Variants in IMMP2L observed in about 807,000 individuals in gnomAD.
IMMP2L encodes inner mitochondrial membrane peptidase subunit 2, also known as mitochondrial inner membrane protease subunit 2.
In IMMP2L, 18 loss-of-function variants were observed where a neutral mutation model predicts 19.3. The ratio of observed to expected loss-of-function variants is 0.93; its 90% CI spans 0.64 to 1.38. The LOEUF is 1.38. Ranked by LOEUF, IMMP2L falls within the 40% of genes most tolerant of loss-of-function variation. The pLI is 0.00. For missense variants in IMMP2L, 233 were observed against 218.2 expected, an observed-to-expected ratio of 1.07 and a Z score of -0.43; for synonymous variants, 76 against 73.0, an observed-to-expected ratio of 1.04 and a Z score of -0.21.
At chr7:111,551,919 G>C (rs1790702776) in intron 1 of IMMP2L, among the ~76,000 whole-genome samples, 2 of 152,030 alleles carry the variant, frequency 1.3e-5, no homozygotes, top group African/African-American at 4.8e-5. Context: ...TCCAGGCAAG[G>C]TAGAGCAAGT....
chr7:110,745,109 A>T (rs1241443438), intron 5 of IMMP2L, among the ~76,000 whole-genome samples: 2 of 152,262 alleles, frequency 1.3e-5, no homozygotes, highest in Non-Finnish European at 2.9e-5. Context: ...AAGCATACAC[A>T]AGTATCAATA....
intron 3 of IMMP2L, among the ~76,000 whole-genome samples, chr7:111,034,194 G>T (rs1021018690): frequency 6.6e-6 from 1 of 151,978 alleles, no homozygotes; most frequent in Non-Finnish European, 1.5e-5. Flanking sequence ...CAGCAATCAC[G>T]TATTCAATTC....
intron 3 of IMMP2L, among the ~76,000 whole-genome samples, chr7:111,160,407 T>C (rs934633416): frequency 1.3e-5 from 2 of 152,066 alleles, no homozygotes. Context: ...AGATCACATA[T>C]GCAGTTTACA....
chr7:111,366,678 T>C (rs1372636093), intron 3 of IMMP2L, among the ~76,000 whole-genome samples: 2 of 152,000 alleles, frequency 1.3e-5, no homozygotes, highest in Non-Finnish European at 2.9e-5. Context: ...GGAAATTGCA[T>C]TGCGATATTT....
intron 3 of IMMP2L, among the ~76,000 whole-genome samples, chr7:111,347,491 C>A (rs1023082821): frequency 6.6e-6 from 1 of 152,020 alleles, no homozygotes; most frequent in African/African-American, 2.4e-5. Context: ...CCTGACCTGA[C>A]TACTTGAGCA....
intron 5 of IMMP2L, among the ~76,000 whole-genome samples, chr7:110,704,117 C>A (rs1262270373): frequency 6.6e-6 from 1 of 151,996 alleles, no homozygotes; most frequent in African/African-American, 2.4e-5. Flanking sequence ...AAAGTGCTGG[C>A]AAGAGGGGAT....
chr7:111,228,297 C>A (rs1813324991), intron 3 of IMMP2L, among the ~76,000 whole-genome samples: 1 of 151,916 alleles, frequency 6.6e-6, no homozygotes, highest in Non-Finnish European at 1.5e-5. Flanking sequence ...GGCTGGAATA[C>A]AACATGTGTC....
chr7:111,378,956 AGAT>A (rs1830943788), intron 3 of IMMP2L, among the ~76,000 whole-genome samples: 2 of 151,882 alleles, frequency 1.3e-5, no homozygotes, highest in Non-Finnish European at 2.9e-5. Context: ...TAAGAATACA[AGAT>A]AATTTGAAAC....
At chr7:111,280,941 G>A (rs1446504681) in intron 3 of IMMP2L, among the ~76,000 whole-genome samples, 2 of 151,716 alleles carry the variant, frequency 1.3e-5, no homozygotes, top group Non-Finnish European at 2.9e-5. Flanking sequence ...GTGGTGGCAG[G>A]CGCCTGTAGT....
chr7:111,118,494 T>C (rs1002360937), intron 3 of IMMP2L, among the ~76,000 whole-genome samples: 3 of 151,994 alleles, frequency 2.0e-5, no homozygotes, highest in African/African-American at 4.8e-5. Context: ...CTAAACTAGG[T>C]TTTAATCCCA....
At chr7:110,930,235 G>A (rs569618594) in intron 4 of IMMP2L, among the ~76,000 whole-genome samples, 8 of 152,050 alleles carry the variant, frequency 5.3e-5, no homozygotes, top group South Asian at 4.2e-4. Context: ...ACAGTGATCC[G>A]CTCCTCCACC....
chr7:111,165,598 TATTTA>T (rs1441214638), intron 3 of IMMP2L, among the ~76,000 whole-genome samples: 2 of 152,112 alleles, frequency 1.3e-5, no homozygotes, highest in African/African-American at 4.8e-5. Context: ...CTACTTATTT[TATTTA>T]AAAGTTCAGT....
chr7:111,481,315 C>T (rs1798235496), intron 3 of IMMP2L, among the ~76,000 whole-genome samples: 1 of 152,096 alleles, frequency 6.6e-6, no homozygotes, highest in Non-Finnish European at 1.5e-5. Flanking sequence ...TCAACCATAG[C>T]ATCGTACCAC....
intron 3 of IMMP2L, among the ~76,000 whole-genome samples, chr7:111,150,375 T>C (rs1358508679): frequency 6.6e-6 from 1 of 152,114 alleles, no homozygotes; most frequent in Admixed American, 6.5e-5. Flanking sequence ...CTGCTCCCTT[T>C]CCACTACAGG....
intron 5 of IMMP2L, among the ~76,000 whole-genome samples, chr7:110,687,364 GT>G (rs1235919544): frequency 6.6e-6 from 1 of 152,030 alleles, no homozygotes; most frequent in East Asian, 1.9e-4. Context: ...CTTCTGAGAT[GT>G]CTATAAGGGC....
chr7:110,672,698 T>C (rs1261787981), intron 5 of IMMP2L, among the ~76,000 whole-genome samples: 1 of 152,176 alleles, frequency 6.6e-6, no homozygotes, highest in Non-Finnish European at 1.5e-5. Flanking sequence ...ACAGGCCCCA[T>C]GCAAGTCTGA....
intron 3 of IMMP2L, among the ~76,000 whole-genome samples, chr7:111,414,472 T>C (rs1834769559): frequency 1.3e-5 from 2 of 151,706 alleles, no homozygotes; most frequent in South Asian, 2.1e-4. Context: ...AAAGACAAAA[T>C]TGTATAAACA....
chr7:111,325,529 C>T (rs907320101), intron 3 of IMMP2L, among the ~76,000 whole-genome samples: 3 of 151,392 alleles, frequency 2.0e-5, no homozygotes, highest in Non-Finnish European at 4.4e-5. Flanking sequence ...ATCATGTGGA[C>T]CTACCAAAAT....
At chr7:111,024,272 A>G (rs1826591412) in intron 3 of IMMP2L, among the ~76,000 whole-genome samples, 1 of 152,204 alleles carries the variant, frequency 6.6e-6, no homozygotes, top group South Asian at 2.1e-4. Context: ...TTATGTAAAC[A>G]CCTGTTCTTT....
Sources: allele counts gnomAD v4.1 joint callset (sites outside exome capture counted in the v4.1 genomes callset), GRCh38; gene constraint gnomAD v4.1.1; transcripts MANE v1.5; gene names NCBI Gene and HGNC (gene_info 2026-07-23, HGNC 2026-07-21).